FUT9: variants seen among roughly 807,000 people sequenced by gnomAD.
FUT9 encodes fucosyltransferase 9.
In FUT9, 15 loss-of-function variants were observed where a neutral mutation model predicts 29.7. The observed-to-expected ratio is 0.51, with a 90% CI of 0.34 to 0.78. The LOEUF is 0.78. Among genes scored for constraint, FUT9 ranks in the 30% least tolerant of loss-of-function variants. FUT9 has a pLI of 0.01. For synonymous variants in FUT9, 169 were observed against 153.7 expected, an observed-to-expected ratio of 1.10 and a Z score of -0.74; for missense variants, 319 against 425.4, an observed-to-expected ratio of 0.75 and a Z score of 2.20.
chr6:96,108,192 C>T (rs1771728786), intron 1 of FUT9, among the ~76,000 whole-genome samples: 2 of 152,236 alleles, frequency 1.3e-5, no homozygotes, highest in Middle Eastern at 3.4e-3. Context: ...AGCCAACCAA[C>T]ATTTTTTGGA....
intron 1 of FUT9, among the ~76,000 whole-genome samples, chr6:96,028,449 A>G (rs912589596): frequency 1.4e-4 from 21 of 151,644 alleles, no homozygotes; most frequent in African/African-American, 5.1e-4. Context: ...TCAACTATTT[A>G]GCTGAGAGAT....
chr6:96,180,491 T>C (rs746756272), intron 2 of FUT9, among the ~76,000 whole-genome samples: 47 of 152,208 alleles, frequency 3.1e-4, no homozygotes, highest in South Asian at 1.0e-3. Flanking sequence ...TAAATGTAAG[T>C]GAAGGGTTTT....
At chr6:96,152,409 TTA>T (rs1488652433) in intron 2 of FUT9, among the ~76,000 whole-genome samples, 1 of 152,148 alleles carries the variant, frequency 6.6e-6, no homozygotes, top group African/African-American at 2.4e-5. Flanking sequence ...TTCTAAGTGC[TTA>T]TGTCACTGCC....
At chr6:96,175,966 G>C (rs898075996) in intron 2 of FUT9, among the ~76,000 whole-genome samples, 1 of 152,154 alleles carries the variant, frequency 6.6e-6, no homozygotes, top group African/African-American at 2.4e-5. Flanking sequence ...ATTTGCTGAG[G>C]GCCCAGACAG....
chr6:96,080,075 T>C (rs1771209910), intron 1 of FUT9, among the ~76,000 whole-genome samples: 1 of 152,064 alleles, frequency 6.6e-6, no homozygotes, highest in African/African-American at 2.4e-5. Context: ...CATATATATT[T>C]GTGACTTTGC....
chr6:96,200,641 A>C (rs1180753264), intron 2 of FUT9, among the ~76,000 whole-genome samples: 1 of 152,164 alleles, frequency 6.6e-6, no homozygotes, highest in Non-Finnish European at 1.5e-5. Context: ...ATTGCATTTC[A>C]GTTCAAAAAG....
At chr6:96,068,358 A>G (rs1770998474) in intron 1 of FUT9, among the ~76,000 whole-genome samples, 1 of 152,220 alleles carries the variant, frequency 6.6e-6, no homozygotes. Flanking sequence ...AGTAGTCTGA[A>G]GATCAGAGAT....
chr6:96,051,917 T>C (rs1261378122), intron 1 of FUT9, among the ~76,000 whole-genome samples: 1 of 152,122 alleles, frequency 6.6e-6, no homozygotes, highest in African/African-American at 2.4e-5. Flanking sequence ...AAAGGACTGC[T>C]GGTTTTCCAC....
chr6:96,144,502 G>C (rs1772528719), intron 2 of FUT9, among the ~76,000 whole-genome samples: 1 of 152,078 alleles, frequency 6.6e-6, no homozygotes, highest in African/African-American at 2.4e-5. Flanking sequence ...ATCAAATATT[G>C]CCTGGAAATG....
intron 1 of FUT9, among the ~76,000 whole-genome samples, chr6:96,050,417 A>G (rs1165267666): frequency 2.0e-5 from 3 of 152,212 alleles, no homozygotes; most frequent in Non-Finnish European, 4.4e-5. Context: ...TTTGTAGTTT[A>G]GTTTTTCAGT....
intron 2 of FUT9, among the ~76,000 whole-genome samples, chr6:96,188,012 A>C (rs1773435164): frequency 6.6e-6 from 1 of 152,066 alleles, no homozygotes; most frequent in Admixed American, 6.6e-5. Flanking sequence ...CCCAATAATA[A>C]AACAAATCTA....
Position 96,204,288 on chromosome 6 carries a change from G to C in FUT9, c.*53G>C. 2 of 1,262,746 alleles carry C rather than the reference G, an allele frequency of 1.6e-6. No homozygotes were observed. Among genetic ancestry groups the C allele is most frequent in the Non-Finnish European group, 2.1e-6 (2 of 947,594 alleles). The allele number at this position is 1,262,746 out of a possible 1,614,324, so 78.2% of individuals were successfully genotyped here. On this transcript the variant is annotated 3_prime_UTR_variant, in exon 3 of 3. Coordinates refer to ENST00000302103, the MANE Select transcript of FUT9 (RefSeq NM_006581.4). ...AATATTTTGATGAGATATCATCCAA[G>C]TATTGAGGATAAGAAGAGATGCAAC... is the stretch of plus-strand genomic sequence containing the variant.
chr6:96,140,396 AC>A (rs34079973), intron 2 of FUT9, among the ~76,000 whole-genome samples: 22,394 of 152,070 alleles, frequency 0.15, 1,845 homozygotes, highest in Non-Finnish European at 0.18. Flanking sequence ...AGACCTCCAA[AC>A]TATTCCAACC....
intron 2 of FUT9, among the ~76,000 whole-genome samples, chr6:96,195,130 A>G (rs1349422575): frequency 6.6e-6 from 1 of 152,198 alleles, no homozygotes; most frequent in East Asian, 1.9e-4. Context: ...CAGTACAGGA[A>G]AAGCGGTAGT....
intron 2 of FUT9, among the ~76,000 whole-genome samples, chr6:96,184,249 G>A (rs929139165): frequency 2.0e-5 from 3 of 151,984 alleles, no homozygotes; most frequent in Non-Finnish European, 2.9e-5. Context: ...GAAGTTCCTA[G>A]TAGCTTTGAA....
At chr6:96,071,248 C>T (rs75705587) in intron 1 of FUT9, among the ~76,000 whole-genome samples, 1 of 152,128 alleles carries the variant, frequency 6.6e-6, no homozygotes, top group Admixed American at 6.5e-5. Flanking sequence ...TGTTCTGCAG[C>T]AGCAGTCATT....
intron 1 of FUT9, among the ~76,000 whole-genome samples, chr6:96,067,735 CT>C (rs1333622501): frequency 6.6e-6 from 1 of 151,828 alleles, no homozygotes; most frequent in African/African-American, 2.4e-5. Flanking sequence ...GGTTGTGTTT[CT>C]TTTTTAAAAA....
chr6:96,102,932 G>A (rs1414141189), intron 1 of FUT9, among the ~76,000 whole-genome samples: 1 of 152,194 alleles, frequency 6.6e-6, no homozygotes, highest in African/African-American at 2.4e-5. Flanking sequence ...TATGGAAACA[G>A]GAGAGAACTT....
chr6:96,083,337 C>T (rs1487265760), intron 1 of FUT9, among the ~76,000 whole-genome samples: 3 of 152,170 alleles, frequency 2.0e-5, no homozygotes, highest in South Asian at 2.1e-4. Context: ...AATAATTAAT[C>T]AGCATAGGCC....
Sources: gnomAD v4.1 joint callset for allele counts (sites outside exome capture counted in the v4.1 genomes callset) on GRCh38, gnomAD v4.1.1 for gene constraint, MANE v1.5 for transcripts, NCBI Gene and HGNC (gene_info 2026-07-23, HGNC 2026-07-21) for gene names.